Variants in EXO1 observed in about 807,000 individuals in gnomAD.
EXO1 encodes exonuclease 1.
EXO1 carries 69 observed loss-of-function variants against 84.5 expected under a neutral mutation model. The observed-to-expected ratio is 0.82, with a 90% CI of 0.67 to 1.00. The LOEUF is 1.00. EXO1 is among the 50% of genes least tolerant of loss of function. The pLI, the probability that EXO1 is intolerant of heterozygous loss-of-function variation, is 0.00. For missense variants in EXO1, 1,045 were observed against 1,000.7 expected (o/e 1.04, Z -0.60); for synonymous variants, 373 against 366.1 (o/e 1.02, Z -0.21).
At position 241,863,950 on chromosome 1, in the gene EXO1, G is replaced by T. The variant is rs572164840; in HGVS notation, c.1041+2448G>T. On this transcript the variant is annotated intron_variant, in intron 10 of 15. Coordinates refer to ENST00000366548, the MANE Select transcript of EXO1 (RefSeq NM_130398.4). Reference sequence around the variant, plus strand: ...CTACTATCATATTTTTATATCTAGGGACTCTTTAATTGTACTTTTTTTTGA... The same window carrying T: ...CTACTATCATATTTTTATATCTAGGTACTCTTTAATTGTACTTTTTTTTGA... Among the ~76,000 whole-genome samples the T allele has an allele frequency of 1.7e-4, 26 of 152,226 alleles. No individual in the cohort carries two copies. In the South Asian group the frequency reaches 5.4e-3, roughly 32 times the overall value.
intron 9 of EXO1, 47 bp downstream of exon 9, chr1:241,860,751 A>G (rs376103745): frequency 1.1e-5 from 17 of 1,494,226 alleles, no homozygotes; most frequent in East Asian, 4.5e-5. Flanking sequence ...TTTTTCTTCA[A>G]TATTTTTATG....
intron 6 of EXO1, among the ~76,000 whole-genome samples, chr1:241,855,684 G>T (rs1406135582): frequency 6.6e-6 from 1 of 152,234 alleles, no homozygotes; most frequent in Non-Finnish European, 1.5e-5. Flanking sequence ...GAGGGGGTGG[G>T]AGGCTCAGGC....
At chr1:241,856,192 A>T (rs973819566) in intron 6 of EXO1, among the ~76,000 whole-genome samples, 9 of 152,164 alleles carry the variant, frequency 5.9e-5, no homozygotes, top group Non-Finnish European at 1.3e-4. Flanking sequence ...AAAATGAGAA[A>T]AATAGCAAAT....
At chr1:241,848,065 G>A (rs945067442), upstream of EXO1, 10 of 152,404 alleles carry the variant, frequency 6.6e-5, no homozygotes, top group African/African-American at 2.4e-4. This position sits in a 1 kb window ranked among gnomAD's most constrained non-coding sequence, Gnocchi z 4.2. Flanking sequence ...GTGAGCCGCT[G>A]TCTACCCAGC....
At position 241,867,061 on chromosome 1, in the gene EXO1, T is replaced by A; in HGVS notation, c.1267+6T>A. The A allele has an allele frequency of 6.2e-7, 1 of 1,605,690 alleles. No homozygotes were observed. The highest frequency in any genetic ancestry group is 2.2e-5 in the East Asian group (1 of 44,820). On this transcript the variant is annotated splice_donor_region_variant and intron_variant, in intron 11 of 15. Coordinates refer to ENST00000366548, the MANE Select transcript of EXO1 (RefSeq NM_130398.4). ...TGTGAAAAGACCAAGAAGTGGTACG[T>A]ATTTCAGTTTTGCAAAATGCTGGTG... is the stretch of plus-strand genomic sequence containing the variant.
intron 13 of EXO1, among the ~76,000 whole-genome samples, chr1:241,881,496 GT>G (rs1662754219): frequency 6.6e-6 from 1 of 152,108 alleles, no homozygotes. Context: ...AAGTGGATGC[GT>G]TTTTTTCTTT....
At chr1:241,860,953 A>G (rs1214726129) in intron 9 of EXO1, among the ~76,000 whole-genome samples, 1 of 152,218 alleles carries the variant, frequency 6.6e-6, no homozygotes, top group Non-Finnish European at 1.5e-5. Flanking sequence ...TAGCATGCAC[A>G]GGGTCCGTCA....
chr1:241,862,904 G>A (rs1175767840), intron 10 of EXO1, among the ~76,000 whole-genome samples: 2 of 152,262 alleles, frequency 1.3e-5, no homozygotes, highest in East Asian at 1.9e-4. Context: ...CTGAAACAAT[G>A]TAATTAGGTT....
chr1:241,864,575 T>C (rs545959692), intron 10 of EXO1, among the ~76,000 whole-genome samples: 1 of 152,362 alleles, frequency 6.6e-6, no homozygotes, highest in South Asian at 2.1e-4. Flanking sequence ...TCTCTTTCGT[T>C]AGTCATTCCC....
At chr1:241,855,476 A>G (rs1377591239) in intron 6 of EXO1, among the ~76,000 whole-genome samples, 2 of 152,138 alleles carry the variant, frequency 1.3e-5, no homozygotes, top group Non-Finnish European at 2.9e-5. Context: ...AGACGTAAAG[A>G]TTCTCCAAGG....
intron 9 of EXO1, 45 bp from the exon 10 acceptor site, chr1:241,861,361 G>T (rs1316339037): frequency 1.1e-6 from 1 of 948,606 alleles, no homozygotes; most frequent in Non-Finnish European, 1.7e-6. Context: ...ATATCATTTG[G>T]TTGGTTGTTA....
chr1:241,873,403 C>T (rs888994361), intron 12 of EXO1, among the ~76,000 whole-genome samples: 1 of 152,192 alleles, frequency 6.6e-6, no homozygotes, highest in Non-Finnish European at 1.5e-5. Flanking sequence ...TTCGTAATCT[C>T]TCCGTACAGA....
At chr1:241,888,878 C>T (rs1049531693) in intron 15 of EXO1, among the ~76,000 whole-genome samples, 3 of 152,158 alleles carry the variant, frequency 2.0e-5, no homozygotes, top group Admixed American at 1.3e-4. Context: ...AGTTTGAGAC[C>T]AGCCTGGCCA....
chr1:241,869,545 CA>C (rs987690557), intron 11 of EXO1, among the ~76,000 whole-genome samples: 7 of 152,072 alleles, frequency 4.6e-5, no homozygotes, highest in African/African-American at 1.7e-4. Context: ...TTTTATTTTT[CA>C]AATTTAAGCA....
At chr1:241,853,622 C>A in intron 6 of EXO1, 141 bp downstream of exon 6, 2 of 827,030 alleles carry the variant, frequency 2.4e-6, no homozygotes, top group South Asian at 1.5e-5. Context: ...GAGAAGGGAA[C>A]AGCATCACTA....
chr1:241,876,331 C>G (rs1272185726), intron 12 of EXO1, among the ~76,000 whole-genome samples: 1 of 152,200 alleles, frequency 6.6e-6, no homozygotes, highest in Non-Finnish European at 1.5e-5. Context: ...CCTATAATCT[C>G]AGCACTCTGG....
rs763350356 is a variant in EXO1, at chr1:241,889,575, G to A, written c.2516G>A (p.Arg839His). 29 of 1,613,874 alleles carry A rather than the reference G, an allele frequency of 1.8e-5. No homozygotes were observed. Among genetic ancestry groups the A allele is most frequent in the African/African-American group, 2.7e-5 (2 of 74,920 alleles). Reference protein sequence around the residue: ...EDIFNKPECGRVQRAIFQ With the variant: ...EDIFNKPECGHVQRAIFQ The stretch of plus-strand genomic sequence containing the variant: ...ATATTTAACAAACCTGAATGTGGCC[G>A]TGTTCAAAGAGCAATATTCCAGTAA... The change falls in exon 16 of 16, where the codon CGT becomes CAT. Residue 839 changes from arginine to histidine, a missense_variant. By Grantham distance (29) the Arg-to-His change is conservative (BLOSUM62 0). Transcript: ENST00000366548.
rs75121323 is a variant in EXO1, at chr1:241,872,101, G to A, written c.1337G>A (p.Ser446Asn). ...LSFTKKTKKNSSEGNKSLSFS... is the reference protein window; with the variant it reads ...LSFTKKTKKNNSEGNKSLSFS... ...TTTACGAAGAAGACCAAGAAAAATA[G>A]CTCTGAAGGCAATAAATCATTGAGC... is the stretch of plus-strand genomic sequence containing the variant. Residue 446 changes from serine (S) to asparagine (N), a missense_variant, in exon 12 of 16, where the codon AGC (serine) becomes AAC (asparagine). Coordinates refer to ENST00000366548, the MANE Select transcript of EXO1 (RefSeq NM_130398.4). 777 of 1,613,698 alleles carry A rather than the reference G, an allele frequency of 4.8e-4. 14 individuals are homozygous for A. In the East Asian group the frequency reaches 0.017, roughly 36 times the overall value.
chr1:241,850,641 C>G, intron 4 of EXO1, 55 bp downstream of exon 4: 7 of 1,430,576 alleles, frequency 4.9e-6, no homozygotes, highest in South Asian at 2.3e-5. Flanking sequence ...ACCTACAGTG[C>G]CTTTTTTTCT....
Sources: allele counts gnomAD v4.1 joint callset (sites outside exome capture counted in the v4.1 genomes callset), GRCh38; gene constraint gnomAD v4.1.1; non-coding constraint Gnocchi (gnomAD v3.1); transcripts MANE v1.5; gene names NCBI Gene and HGNC (gene_info 2026-07-23, HGNC 2026-07-21).